The following COMMD10 variants were observed in gnomAD, a reference collection of about 807,000 sequenced individuals.
COMMD10 encodes COMM domain containing 10.
COMMD10 carries 33 observed loss-of-function variants against 28.9 expected under a neutral mutation model. That is an observed-to-expected ratio of 1.14 (90% CI 0.87 to 1.53). COMMD10 has a LOEUF of 1.53. COMMD10 is among the 40% of genes most tolerant of loss of function. The pLI is 0.00. For missense variants in COMMD10, 310 were observed against 233.4 expected, an observed-to-expected ratio of 1.33 and a Z score of -2.14; for synonymous variants, 110 against 81.7, an observed-to-expected ratio of 1.35 and a Z score of -1.87.
At chr5:116,136,349 AATAC>A (rs1352876731) in intron 5 of COMMD10, among the ~76,000 whole-genome samples, 2 of 152,202 alleles carry the variant, frequency 1.3e-5, no homozygotes, top group African/African-American at 4.8e-5. Context: ...CATGAGTGAA[AATAC>A]ATACATACAT....
At chr5:116,163,675 TA>T (rs1487057063) in intron 5 of COMMD10, among the ~76,000 whole-genome samples, 2 of 152,150 alleles carry the variant, frequency 1.3e-5, no homozygotes, top group Non-Finnish European at 2.9e-5. Context: ...TTATAGTATA[TA>T]GGGTTAATTT....
At chr5:116,104,567 A>G (rs934319905) in intron 4 of COMMD10, among the ~76,000 whole-genome samples, 2 of 152,084 alleles carry the variant, frequency 1.3e-5, no homozygotes, top group Non-Finnish European at 2.9e-5. Context: ...GGGTTTTCTA[A>G]ATATACAATC....
intron 5 of COMMD10, among the ~76,000 whole-genome samples, chr5:116,259,084 TGA>T (rs1750369266): frequency 6.9e-6 from 1 of 144,690 alleles, no homozygotes; most frequent in African/African-American, 2.7e-5. Flanking sequence ...TTTTTTTTCC[TGA>T]GAGTCTCGCT....
intron 5 of COMMD10, among the ~76,000 whole-genome samples, chr5:116,241,807 C>T (rs1295214602): frequency 4.6e-5 from 7 of 151,082 alleles, no homozygotes; most frequent in African/African-American, 1.2e-4. Flanking sequence ...TTAGTAGAGA[C>T]GGGATTTCAC....
rs1173859726 is a variant in COMMD10 at position 116,094,982 on chromosome 5, AG to A, written c.399+2283del. 2.0e-5 allele frequency among the ~76,000 whole-genome samples: 3 copies of A among 152,222 alleles called. No individual in the cohort carries two copies. In the East Asian group the frequency reaches 5.8e-4, roughly 29 times the overall value. On this transcript the variant is annotated intron_variant, in intron 4 of 6. Coordinates refer to ENST00000274458, the MANE Select transcript of COMMD10 (RefSeq NM_016144.4). ...AAACAAGTTGATGTCATGGAGGTAG[AG>A]AGTAGAATGGTAGTCACCAGAGGCT...
chr5:116,272,558 C>T (rs937286423), intron 5 of COMMD10, among the ~76,000 whole-genome samples: 5 of 151,840 alleles, frequency 3.3e-5, no homozygotes, highest in African/African-American at 7.3e-5. Context: ...AGCCTTTGCT[C>T]GTGACTGGAC....
intron 5 of COMMD10, among the ~76,000 whole-genome samples, chr5:116,267,598 C>G (rs1173257017): frequency 6.6e-6 from 1 of 151,856 alleles, no homozygotes; most frequent in Admixed American, 6.6e-5. Flanking sequence ...GAAAAAACTA[C>G]TTTAAAGTTC....
At chr5:116,119,968 A>C (rs1022251889) in intron 4 of COMMD10, among the ~76,000 whole-genome samples, 1 of 152,078 alleles carries the variant, frequency 6.6e-6, no homozygotes, top group Non-Finnish European at 1.5e-5. Flanking sequence ...TATAGTATAT[A>C]CTGTATTCTT....
intron 4 of COMMD10, among the ~76,000 whole-genome samples, chr5:116,118,763 A>G (rs914704656): frequency 4.3e-4 from 66 of 152,178 alleles, no homozygotes; most frequent in Non-Finnish European, 7.9e-4. Flanking sequence ...GAAAAAAAAA[A>G]AGTGATGGAC....
intron 5 of COMMD10, among the ~76,000 whole-genome samples, chr5:116,250,347 A>G (rs1331680779): frequency 6.6e-6 from 1 of 151,774 alleles, no homozygotes; most frequent in African/African-American, 2.4e-5. Flanking sequence ...ATGAATATGA[A>G]CAATTTATAT....
intron 5 of COMMD10, among the ~76,000 whole-genome samples, chr5:116,258,007 G>C (rs1750338801): frequency 6.6e-6 from 1 of 151,660 alleles, no homozygotes; most frequent in Non-Finnish European, 1.5e-5. Context: ...TTTTAAAGAG[G>C]GTTCAGCAGC....
At chr5:116,215,539 G>A (rs1186136195) in intron 5 of COMMD10, among the ~76,000 whole-genome samples, 1 of 151,312 alleles carries the variant, frequency 6.6e-6, no homozygotes, top group Non-Finnish European at 1.5e-5. Flanking sequence ...ATACAAAAAT[G>A]AGCCAGGCGT....
intron 5 of COMMD10, among the ~76,000 whole-genome samples, chr5:116,254,527 C>G (rs1226512613): frequency 1.3e-5 from 2 of 151,060 alleles, no homozygotes; most frequent in Admixed American, 6.6e-5. Flanking sequence ...CAAAGAACAT[C>G]TTTATTTCTG....
At chr5:116,259,979 G>GA (rs1750397027) in intron 5 of COMMD10, among the ~76,000 whole-genome samples, 1 of 151,676 alleles carries the variant, frequency 6.6e-6, no homozygotes, top group South Asian at 2.1e-4. Flanking sequence ...CATCTCCTCT[G>GA]ATTTGTGTTT....
chr5:116,275,840 A>G lies in COMMD10; in HGVS notation c.511-15677A>G, dbSNP rs373739357. ...TGCTAATGGCCAGATTTGCTTCACC[A>G]TATGTTAATGAGCGTACAAGTAATC... On this transcript the variant is annotated intron_variant, in intron 5 of 6. Transcript: ENST00000274458. Among the ~76,000 whole-genome samples, 172 of 151,776 alleles carry G rather than the reference A, an allele frequency of 1.1e-3. 5 individuals carry two copies. The South Asian group carries it at 0.033, about 29-fold the overall frequency.
intron 5 of COMMD10, among the ~76,000 whole-genome samples, chr5:116,204,167 A>T (rs1748752085): frequency 1.3e-5 from 2 of 152,300 alleles, no homozygotes; most frequent in African/African-American, 4.8e-5. Flanking sequence ...TGGTAAAGGG[A>T]TCAATTCAAC....
At chr5:116,168,682 A>G (rs1198139962) in intron 5 of COMMD10, among the ~76,000 whole-genome samples, 1 of 152,236 alleles carries the variant, frequency 6.6e-6, no homozygotes, top group African/African-American at 2.4e-5. Context: ...AAACTCACTC[A>G]AAACCACACA....
intron 4 of COMMD10, among the ~76,000 whole-genome samples, chr5:116,114,566 A>C (rs935513943): frequency 1.3e-5 from 2 of 152,200 alleles, no homozygotes; most frequent in Non-Finnish European, 2.9e-5. Context: ...CCAGAAGTCC[A>C]GATCCTGCAT....
intron 4 of COMMD10, among the ~76,000 whole-genome samples, chr5:116,093,517 C>T (rs1750368650): frequency 6.6e-6 from 1 of 152,112 alleles, no homozygotes; most frequent in Non-Finnish European, 1.5e-5. Flanking sequence ...TCTTGAACCC[C>T]ATGGGCCCCG....
Sources: gnomAD v4.1 joint callset for allele counts (sites outside exome capture counted in the v4.1 genomes callset) on GRCh38, gnomAD v4.1.1 for gene constraint, MANE v1.5 for transcripts, NCBI Gene and HGNC (gene_info 2026-07-23, HGNC 2026-07-21) for gene names.